KIF6: variants seen among roughly 807,000 people sequenced by gnomAD.
KIF6 encodes kinesin-like protein KIF6.
In KIF6, 106 loss-of-function variants were observed where a neutral mutation model predicts 112.7. The observed-to-expected ratio is 0.94, with a 90% CI of 0.80 to 1.11. KIF6 has a LOEUF of 1.11. Ranked by LOEUF, KIF6 falls within the 50% of genes least tolerant of loss-of-function variation. KIF6 has a pLI of 0.00. For synonymous variants in KIF6, 339 were observed against 339.9 expected (o/e 1.00, Z 0.03); for missense variants, 929 against 964.0 (o/e 0.96, Z 0.48).
intron 3 of KIF6, among the ~76,000 whole-genome samples, chr6:39,664,216 G>C (rs539269116): frequency 6.0e-4 from 92 of 152,234 alleles, no homozygotes; most frequent in African/African-American, 2.1e-3. Flanking sequence ...TGGTGTTTCA[G>C]GGTGGGGTAG....
intron 15 of KIF6, among the ~76,000 whole-genome samples, chr6:39,411,755 A>G (rs1038041640): frequency 2.6e-5 from 4 of 152,228 alleles, no homozygotes; most frequent in African/African-American, 9.6e-5. Flanking sequence ...AATTGTGACC[A>G]TGGGAACCTA....
chr6:39,674,075 G>T (rs190107827), intron 3 of KIF6, among the ~76,000 whole-genome samples: 9 of 151,990 alleles, frequency 5.9e-5, no homozygotes, highest in Non-Finnish European at 1.0e-4. Flanking sequence ...TTAACCAAGG[G>T]GGAAAATAGA....
intron 5 of KIF6, among the ~76,000 whole-genome samples, chr6:39,623,840 T>C (rs1783950468): frequency 6.6e-6 from 1 of 152,128 alleles, no homozygotes; most frequent in Non-Finnish European, 1.5e-5. Flanking sequence ...AGATAACTCC[T>C]CCAGCCATCT....
At chr6:39,648,679 A>G (rs996146361) in intron 3 of KIF6, among the ~76,000 whole-genome samples, 3 of 152,170 alleles carry the variant, frequency 2.0e-5, no homozygotes, top group Non-Finnish European at 4.4e-5. Context: ...TTACTTGCCT[A>G]GACTTGAAAG....
intron 19 of KIF6, among the ~76,000 whole-genome samples, chr6:39,351,703 G>A (rs141537255): frequency 0.011 from 1,606 of 152,104 alleles, 14 homozygotes; most frequent in Admixed American, 0.031. Flanking sequence ...CTTTCTACTC[G>A]CTGAGCAGGA....
intron 3 of KIF6, among the ~76,000 whole-genome samples, chr6:39,673,283 A>G (rs1786946761): frequency 6.6e-6 from 1 of 152,192 alleles, no homozygotes. Flanking sequence ...CTATAATGGA[A>G]GCAGGCCCTA....
chr6:39,719,978 A>G (rs1244217740), intron 2 of KIF6, among the ~76,000 whole-genome samples: 1 of 152,156 alleles, frequency 6.6e-6, no homozygotes, highest in East Asian at 1.9e-4. Flanking sequence ...GCAGGACCCC[A>G]TCTTAAAAAT....
chr6:39,572,524 A>G (rs1220326084), intron 10 of KIF6, among the ~76,000 whole-genome samples: 1 of 152,160 alleles, frequency 6.6e-6, no homozygotes, highest in Non-Finnish European at 1.5e-5. Flanking sequence ...AGGTATCCAG[A>G]CACTTTGGGG....
chr6:39,686,131 T>C (rs1156473344), intron 3 of KIF6, among the ~76,000 whole-genome samples: 3 of 152,220 alleles, frequency 2.0e-5, no homozygotes, highest in Admixed American at 2.0e-4. Context: ...GAGCTCAAAA[T>C]GACATCTTCT....
At chr6:39,707,141 T>C (rs1343590954) in intron 3 of KIF6, among the ~76,000 whole-genome samples, 2 of 152,194 alleles carry the variant, frequency 1.3e-5, no homozygotes, top group African/African-American at 4.8e-5. Context: ...ATGTGTAGAA[T>C]TAAGCAATCA....
At chr6:39,578,859 T>C (rs963856136) in intron 9 of KIF6, among the ~76,000 whole-genome samples, 8 of 152,214 alleles carry the variant, frequency 5.3e-5, no homozygotes, top group African/African-American at 1.7e-4. Context: ...CTGCATGTAA[T>C]TGCAACTTGT....
At chr6:39,719,885 A>G (rs1790101396) in intron 2 of KIF6, among the ~76,000 whole-genome samples, 1 of 152,172 alleles carries the variant, frequency 6.6e-6, no homozygotes, top group Non-Finnish European at 1.5e-5. Flanking sequence ...CAGGAGGCTA[A>G]GGTGGGAGGA....
chr6:39,579,060 T>C (rs914023903), intron 9 of KIF6, among the ~76,000 whole-genome samples: 4 of 152,228 alleles, frequency 2.6e-5, no homozygotes, highest in Admixed American at 2.6e-4. Context: ...ATGAATCTCT[T>C]TGAGCACGTA....
At chr6:39,462,220 T>G (rs1773521376) in intron 13 of KIF6, among the ~76,000 whole-genome samples, 1 of 152,182 alleles carries the variant, frequency 6.6e-6, no homozygotes, top group African/African-American at 2.4e-5. Context: ...TGGAAGGCTT[T>G]TTGCTTTCCT....
At chr6:39,349,262 G>A (rs2113928736) in intron 19 of KIF6, among the ~76,000 whole-genome samples, 1 of 152,300 alleles carries the variant, frequency 6.6e-6, no homozygotes, top group Middle Eastern at 3.4e-3. Flanking sequence ...CTATTCTGAT[G>A]GGTGGCACAG....
chr6:39,608,070 C>T (rs1006627579), intron 6 of KIF6, among the ~76,000 whole-genome samples: 6 of 152,128 alleles, frequency 3.9e-5, no homozygotes, highest in African/African-American at 1.4e-4. Context: ...TCCTATAACT[C>T]ACATAAACCT....
intron 15 of KIF6, among the ~76,000 whole-genome samples, chr6:39,402,770 T>A (rs1180984688): frequency 6.6e-6 from 1 of 152,188 alleles, no homozygotes; most frequent in Non-Finnish European, 1.5e-5. Flanking sequence ...CTTACAGGTA[T>A]CCTGAGGCTG....
chr6:39,474,620 G>T (rs568742791), intron 13 of KIF6, among the ~76,000 whole-genome samples: 75 of 152,352 alleles, frequency 4.9e-4, no homozygotes, highest in Non-Finnish European at 9.8e-4. Flanking sequence ...TAATAAATGG[G>T]CTAGACTGCC....
At chr6:39,516,951 G>A (rs9394602) in intron 13 of KIF6, among the ~76,000 whole-genome samples, 6,402 of 152,210 alleles carry the variant, frequency 0.042, 272 homozygotes, top group East Asian at 0.24. Context: ...GGCCCTGGGA[G>A]CAAAGGAAGG....
Sources: gnomAD v4.1 joint callset for allele counts (sites outside exome capture counted in the v4.1 genomes callset) on GRCh38, gnomAD v4.1.1 for gene constraint, MANE v1.5 for transcripts, NCBI Gene and HGNC (gene_info 2026-07-23, HGNC 2026-07-21) for gene names.